TRIOBP: variants seen among roughly 807,000 people sequenced by gnomAD.
The protein encoded by TRIOBP is TRIO and F-actin binding protein.
TRIOBP carries 169 observed loss-of-function variants against 238.8 expected under a neutral mutation model. The observed-to-expected ratio is 0.71, with a 90% CI of 0.62 to 0.80. The LOEUF (loss-of-function observed/expected upper bound fraction) is 0.80, where lower values mean the gene tolerates loss of function less well. TRIOBP is among the 30% of genes least tolerant of loss of function. The pLI is 0.00. For missense variants in TRIOBP, 2,838 were observed against 3,122.6 expected (o/e 0.91, Z 2.17); for synonymous variants, 1,150 against 1,274.4 (o/e 0.90, Z 2.08).
chr22:37,755,845 CTGTCTT>C (rs1925891646), intron 15 of TRIOBP, among the ~76,000 whole-genome samples, 186 bp downstream of exon 15: 1 of 152,192 alleles, frequency 6.6e-6, no homozygotes, highest in South Asian at 2.1e-4. Context: ...GAGGTTTGAT[CTGTCTT>C]CTCAAATGTG....
chr22:37,725,671 C>T lies in TRIOBP; in HGVS notation c.3115C>T (p.Pro1039Ser), dbSNP rs1252082914. Residue 1039 changes from proline to serine, a missense_variant, in exon 7 of 24, where the codon CCC (proline) becomes TCC (serine). Around this residue, in one of 5 missense-constraint regions of TRIOBP, gnomAD observed 2,096 missense variants for 2,137.4 expected, o/e 0.98. Coordinates refer to ENST00000644935, the MANE Select transcript of TRIOBP (RefSeq NM_001039141.3). ...PPRYLQHDPF[P>S]FFPEPRAPES... ...TCGCTATTTGCAGCACGACCCCTTC[C>T]CCTTCTTCCCAGAGCCCCGCGCCCC... is the stretch of plus-strand genomic sequence containing the variant. 3.1e-6 allele frequency: 5 copies of T among 1,612,834 alleles called. No individual in the cohort carries two copies. The highest frequency in any genetic ancestry group is 2.2e-5 in the East Asian group (1 of 44,786).
At chr22:37,719,459 T>G (rs1923709523) in intron 6 of TRIOBP, among the ~76,000 whole-genome samples, 1 of 151,884 alleles carries the variant, frequency 6.6e-6, no homozygotes, top group South Asian at 2.1e-4. Context: ...TTTTGAGGCT[T>G]CAGATGCTCA....
intron 18 of TRIOBP, among the ~76,000 whole-genome samples, chr22:37,767,763 C>T (rs577385677): frequency 8.5e-5 from 13 of 152,168 alleles, no homozygotes; most frequent in Admixed American, 3.3e-4. Context: ...CAGGAGGTAC[C>T]AATGGTCAGA....
At chr22:37,705,990 G>C (rs1322859640) in intron 3 of TRIOBP, among the ~76,000 whole-genome samples, 1 of 152,146 alleles carries the variant, frequency 6.6e-6, no homozygotes, top group Admixed American at 6.6e-5. Context: ...TGAATCAGGT[G>C]ACCCGCCAGG....
chr22:37,720,112 C>T (rs113988522), intron 6 of TRIOBP, among the ~76,000 whole-genome samples: 201 of 148,222 alleles, frequency 1.4e-3, no homozygotes, highest in African/African-American at 4.5e-3. Context: ...CAGGTTGAAG[C>T]CATTCTCCTG....
At chr22:37,715,461 G>C (rs1024422902) in intron 5 of TRIOBP, among the ~76,000 whole-genome samples, 17 of 152,076 alleles carry the variant, frequency 1.1e-4, no homozygotes, top group African/African-American at 3.6e-4. Flanking sequence ...TCCTGCCTCA[G>C]CTTCCCAAGT....
chr22:37,735,088 C>T lies in TRIOBP; in HGVS notation c.4752C>T (p.Gly1584=). The T allele has an allele frequency of 6.2e-7, 1 of 1,606,490 alleles. No homozygotes were observed. Among genetic ancestry groups the T allele is most frequent in the Non-Finnish European group, 8.5e-7 (1 of 1,174,830 alleles). The part of the protein sequence containing the change: ...WARVPSLDWE[G]LLELLQARLP... Reference sequence around the variant, plus strand: ...GTGTCCCCAGCCTGGACTGGGAGGGCCTCTTGGAGCTCCTGCAGGCCAGGC... The same window carrying T: ...GTGTCCCCAGCCTGGACTGGGAGGGTCTCTTGGAGCTCCTGCAGGCCAGGC... Residue 1584 remains glycine, a synonymous_variant, in exon 9 of 24, where the codon GGC becomes GGT. Coordinates refer to ENST00000644935, the MANE Select transcript of TRIOBP (RefSeq NM_001039141.3).
chr22:37,736,615 CTTTTAT>C (rs1238372743), intron 9 of TRIOBP, among the ~76,000 whole-genome samples: 4 of 152,098 alleles, frequency 2.6e-5, no homozygotes, highest in Non-Finnish European at 4.4e-5. Flanking sequence ...AAAGTTTGTG[CTTTTAT>C]TTTTATTTAT....
chr22:37,738,479 A>C (rs993785245), intron 9 of TRIOBP, among the ~76,000 whole-genome samples, 163 bp from the exon 10 acceptor site: 2 of 152,142 alleles, frequency 1.3e-5, no homozygotes, highest in African/African-American at 4.8e-5. Context: ...AGGGTGAGTC[A>C]TGTGATAGAC....
At chr22:37,749,783 C>CA (rs893218020) in intron 11 of TRIOBP, among the ~76,000 whole-genome samples, 18,056 of 60,236 alleles carry the variant, frequency 0.3, 1,721 homozygotes, top group Admixed American at 0.36. Context: ...CCCATCTCTA[C>CA]AAAAAAAAAA....
chr22:37,753,319 G>C (rs1201245371), intron 12 of TRIOBP, among the ~76,000 whole-genome samples: 1 of 151,942 alleles, frequency 6.6e-6, no homozygotes, highest in African/African-American at 2.4e-5. Flanking sequence ...TTGTTGCCCA[G>C]GCTGGAGTGC....
chr22:37,758,692 A>AAG (rs570782775), intron 16 of TRIOBP, among the ~76,000 whole-genome samples: 159 of 149,796 alleles, frequency 1.1e-3, no homozygotes, highest in African/African-American at 2.3e-3. Flanking sequence ...TAAAAAAAAA[A>AAG]AAGAAGAAGA....
intron 5 of TRIOBP, among the ~76,000 whole-genome samples, chr22:37,715,054 A>G (rs1051158759): frequency 1.3e-5 from 2 of 152,036 alleles, no homozygotes; most frequent in African/African-American, 4.8e-5. Context: ...TTGCTCTGTC[A>G]CCTGGGCTGG....
intron 3 of TRIOBP, among the ~76,000 whole-genome samples, chr22:37,702,401 G>A (rs887162641): frequency 5.3e-5 from 8 of 151,292 alleles, no homozygotes; most frequent in Non-Finnish European, 1.0e-4. Context: ...ACGGGGTTTC[G>A]CCATATTGGC....
Position 37,740,969 on chromosome 22 carries a change from C to T in TRIOBP, c.5259C>T (p.Pro1753=), listed in dbSNP as rs768976690. The T allele has an allele frequency of 9.0e-6, 14 of 1,561,664 alleles. No individual in the cohort carries two copies. Among genetic ancestry groups the T allele is most frequent in the South Asian group, 5.9e-5 (5 of 84,770 alleles). The change falls in exon 11 of 24, where the codon CCC becomes CCT. Residue 1753 remains proline, a synonymous_variant. Coordinates refer to ENST00000644935, the MANE Select transcript of TRIOBP (RefSeq NM_001039141.3). ...GACTGGTGACCTCATGGCGGATGCC[C>T]GGGGACCGGCCCACGCTGTTCAATC... ...KGRLVTSWRM[P]GDRPTLFNPF... is the part of the protein sequence containing the mutation.
Position 37,765,834 on chromosome 22 carries a change from G to GA in TRIOBP, c.6472+17_6472+18insA, listed in dbSNP as rs778551400. On this transcript the variant is annotated intron_variant, in intron 18 of 23. Transcript: ENST00000644935. Reference sequence around the variant, plus strand: ...CGGCCTCAGGTATGGACCCTGGGGGGGGCACAGTGGGCTGGGCTCTGAGCC... The same window carrying GA: ...CGGCCTCAGGTATGGACCCTGGGGGGAGGCACAGTGGGCTGGGCTCTGAGCC... The GA allele has an allele frequency of 7.6e-6, 12 of 1,584,478 alleles. No homozygotes were observed. Among genetic ancestry groups the GA allele is most frequent in the African/African-American group, 1.3e-5 (1 of 74,314 alleles).
rs6000877 is a variant in TRIOBP, at chr22:37,752,006, G to A, written c.5379+178G>A. Among the ~76,000 whole-genome samples, 1,030 of 152,194 alleles carry A rather than the reference G, an allele frequency of 6.8e-3. 12 individuals are homozygous for A. The highest frequency in any genetic ancestry group is 0.023 in the African/African-American group (962 of 41,516). On this transcript the variant is annotated intron_variant, in intron 12 of 23. Coordinates refer to ENST00000644935, the MANE Select transcript of TRIOBP (RefSeq NM_001039141.3). ...TGGAGCAGTCTGCAGTGTGTAAAAG[G>A]GATCACAGCAAGGGGCCGTCTAGCC...
Position 37,726,235 on chromosome 22 carries a change from T to G in TRIOBP, c.3679T>G (p.Ser1227Ala), listed in dbSNP as rs752210243. Residue 1227 changes from serine to alanine, a missense_variant, in exon 7 of 24, where the codon TCC becomes GCC. Physicochemically the swap from Ser to Ala is moderately conservative, Grantham distance 99. Transcript: ENST00000644935. ...CGGGCACCGGGATGCACCCCGAGCC[T>G]CCTCCCCACCCCGCCACCCACCCAG... is the stretch of plus-strand genomic sequence containing the variant. ...CIGHRDAPRA[S>A]SPPRHPPSDL... The G allele has an allele frequency of 1.3e-5, 21 of 1,609,818 alleles. No homozygotes were observed. Among genetic ancestry groups the G allele is most frequent in the Non-Finnish European group, 1.7e-5 (20 of 1,178,292 alleles).
At chr22:37,719,999 CCTTTT>C (rs1923746534) in intron 6 of TRIOBP, among the ~76,000 whole-genome samples, 18 of 33,700 alleles carry the variant, frequency 5.3e-4, no homozygotes, top group East Asian at 2.6e-3. Context: ...CCCCCCCCGC[CCTTTT>C]TTTTTTTTTT....
Sources: allele counts gnomAD v4.1 joint callset (sites outside exome capture counted in the v4.1 genomes callset), GRCh38; gene constraint gnomAD v4.1.1; regional missense constraint gnomAD v4.1.1; transcripts MANE v1.5; gene names NCBI Gene and HGNC (gene_info 2026-07-23, HGNC 2026-07-21).